PRKCI: variants seen among roughly 807,000 people sequenced by gnomAD.
PRKCI encodes the protein protein kinase C iota type.
A neutral mutation model predicts 84.0 loss-of-function variants in PRKCI; 43 were observed. That is an observed-to-expected ratio of 0.51 (90% CI 0.40 to 0.66). PRKCI has a LOEUF of 0.66. Among genes scored for constraint, PRKCI ranks in the 30% least tolerant of loss-of-function variants. The pLI is 0.00. For missense variants in PRKCI, 459 were observed against 745.6 expected (o/e 0.62, Z 4.48); for synonymous variants, 216 against 234.4 (o/e 0.92, Z 0.72).
intron 4 of PRKCI, 76 bp downstream of exon 4, chr3:170,263,505 G>T (rs913167384): frequency 4.5e-6 from 6 of 1,344,576 alleles, no homozygotes; most frequent in African/African-American, 1.5e-5. Flanking sequence ...ATCAGAGATA[G>T]AATTTTTAGC....
intron 1 of PRKCI, among the ~76,000 whole-genome samples, chr3:170,233,041 T>G (rs1031470471): frequency 2.6e-5 from 4 of 151,982 alleles, no homozygotes; most frequent in African/African-American, 9.7e-5. Flanking sequence ...GGTGATACTT[T>G]GAGATTATAT....
At chr3:170,246,107 C>T (rs1162197114) in intron 2 of PRKCI, among the ~76,000 whole-genome samples, 2 of 151,934 alleles carry the variant, frequency 1.3e-5, no homozygotes, top group African/African-American at 4.8e-5. Flanking sequence ...AGTGCTCCAC[C>T]ACGCCCAGCT....
chr3:170,227,910 G>C (rs1260350737), intron 1 of PRKCI, among the ~76,000 whole-genome samples: 2 of 152,174 alleles, frequency 1.3e-5, no homozygotes, highest in Non-Finnish European at 2.9e-5. Flanking sequence ...TTTAAGGAGA[G>C]AGAAAAGAGT....
intron 2 of PRKCI, among the ~76,000 whole-genome samples, chr3:170,243,804 A>G (rs1182754050): frequency 6.6e-6 from 1 of 152,214 alleles, no homozygotes; most frequent in Admixed American, 6.5e-5. Context: ...GTCCCCAGCT[A>G]CTTCTCTTAG....
intron 12 of PRKCI, among the ~76,000 whole-genome samples, chr3:170,290,295 T>G (rs1163134863): frequency 2.6e-5 from 4 of 152,056 alleles, no homozygotes; most frequent in African/African-American, 9.6e-5. Flanking sequence ...TTAGACTTTT[T>G]TATTGTTGAT....
intron 2 of PRKCI, among the ~76,000 whole-genome samples, chr3:170,246,871 A>G (rs1360140304): frequency 1.3e-5 from 2 of 152,150 alleles, no homozygotes; most frequent in African/African-American, 2.4e-5. Context: ...CTTTCTGTCT[A>G]TGAATTTACC....
In PRKCI at chr3:170,222,581, C is replaced by A; in HGVS notation, c.-89C>A. On this transcript the variant is annotated 5_prime_UTR_variant, in exon 1 of 18. Transcript: ENST00000295797. ...AGGTGGGCGGACGGCCGCGGTTCTC[C>A]GGCAAGCGCAGGCGGCGGAGTCCCC... The A allele has an allele frequency of 8.4e-7, 1 of 1,189,424 alleles. No homozygotes were observed. The highest frequency in any genetic ancestry group is 1.1e-6 in the Non-Finnish European group (1 of 872,116). The allele number at this position is 1,189,424 out of a possible 1,614,324, so 73.7% of individuals were successfully genotyped here.
At chr3:170,246,482 C>CA (rs1452985576) in intron 2 of PRKCI, among the ~76,000 whole-genome samples, 1 of 151,788 alleles carries the variant, frequency 6.6e-6, no homozygotes, top group Non-Finnish European at 1.5e-5. Flanking sequence ...TTTGTAGAGA[C>CA]AGAGTCTTGC....
At chr3:170,292,626 C>T (rs563430066) in intron 13 of PRKCI, among the ~76,000 whole-genome samples, 2 of 151,202 alleles carry the variant, frequency 1.3e-5, no homozygotes, top group East Asian at 2.0e-4. Context: ...AGGAGAATGG[C>T]GTGAACCCGG....
intron 1 of PRKCI, among the ~76,000 whole-genome samples, chr3:170,234,522 A>G (rs77359580): frequency 0.012 from 1,753 of 152,298 alleles, 38 homozygotes; most frequent in African/African-American, 0.04. Context: ...CAGTGTAACT[A>G]ATTTTTTCCC....
At chr3:170,302,002 T>C (rs777915270) in intron 17 of PRKCI, among the ~76,000 whole-genome samples, 11 of 152,194 alleles carry the variant, frequency 7.2e-5, no homozygotes, top group Non-Finnish European at 1.3e-4. Context: ...AGTAGTATTA[T>C]TGTCTCTGCT....
At position 170,276,450 on chromosome 3, in the gene PRKCI, T is replaced by G. The variant is rs1244443246; in HGVS notation, c.705+1163T>G. Among the ~76,000 whole-genome samples, 4 of 149,602 alleles carry G rather than the reference T, an allele frequency of 2.7e-5. No individual in the cohort carries two copies. The South Asian group carries it at 8.5e-4, about 32-fold the overall frequency. On this transcript the variant is annotated intron_variant, in intron 8 of 17. Transcript: ENST00000295797. ...TGTCTGAAAAAGTCTTTTTTTCTTTTTAACTTTTTTTTTTCTTTTTATTTT... is the reference window on the plus strand; with the variant it reads ...TGTCTGAAAAAGTCTTTTTTTCTTTGTAACTTTTTTTTTTCTTTTTATTTT...
chr3:170,273,845 C>T (rs1734053674), intron 7 of PRKCI, among the ~76,000 whole-genome samples: 1 of 151,092 alleles, frequency 6.6e-6, no homozygotes, highest in Non-Finnish European at 1.5e-5. Flanking sequence ...AAAAAGACAA[C>T]TGTGGGCTGG....
intron 10 of PRKCI, 24 bp downstream of exon 10, chr3:170,281,287 G>T: frequency 6.3e-7 from 1 of 1,586,574 alleles, no homozygotes; most frequent in South Asian, 1.1e-5. Flanking sequence ...ATAGTAGAAT[G>T]ATTACTGGGC....
At chr3:170,275,560 T>A (rs1340651626) in intron 8 of PRKCI, among the ~76,000 whole-genome samples, 1 of 152,158 alleles carries the variant, frequency 6.6e-6, no homozygotes, top group Non-Finnish European at 1.5e-5. Context: ...TTTAAAATAC[T>A]TGGTAGTATT....
At chr3:170,271,444 G>A (rs1255907522) in intron 6 of PRKCI, among the ~76,000 whole-genome samples, 2 of 152,108 alleles carry the variant, frequency 1.3e-5, no homozygotes, top group Non-Finnish European at 2.9e-5. Context: ...TATCCAGTAA[G>A]TGTTCTCATA....
intron 5 of PRKCI, among the ~76,000 whole-genome samples, chr3:170,270,098 A>G (rs1177049228): frequency 1.3e-5 from 2 of 152,214 alleles, no homozygotes; most frequent in Admixed American, 6.5e-5. Context: ...GGAGTCCTTC[A>G]ATGGCTTTTT....
chr3:170,289,121 A>G (rs185057278), intron 12 of PRKCI, among the ~76,000 whole-genome samples: 43 of 152,348 alleles, frequency 2.8e-4, no homozygotes, highest in African/African-American at 9.6e-4. Context: ...TTCAGTCAAC[A>G]AGTGAATGAT....
intron 8 of PRKCI, among the ~76,000 whole-genome samples, chr3:170,277,781 C>G (rs1288021679): frequency 6.6e-6 from 1 of 151,460 alleles, no homozygotes; most frequent in African/African-American, 2.4e-5. Flanking sequence ...AAATTCATTC[C>G]TTTTCCATTC....
Sources: allele counts gnomAD v4.1 joint callset (sites outside exome capture counted in the v4.1 genomes callset), GRCh38; gene constraint gnomAD v4.1.1; transcripts MANE v1.5; gene names NCBI Gene and HGNC (gene_info 2026-07-23, HGNC 2026-07-21).